The following AOAH variants were observed in gnomAD, a reference collection of about 807,000 sequenced individuals.
AOAH encodes acyloxyacyl hydrolase (neutrophil).
In AOAH, 64 loss-of-function variants were observed where a neutral mutation model predicts 92.2. That is an observed-to-expected ratio of 0.69 (90% CI 0.57 to 0.86). The LOEUF (loss-of-function observed/expected upper bound fraction) is 0.86. Among genes scored for constraint, AOAH ranks in the 40% least tolerant of loss-of-function variants. The pLI is 0.00. For synonymous variants in AOAH, 263 were observed against 254.5 expected (o/e 1.03, Z -0.32); for missense variants, 656 against 694.6 (o/e 0.94, Z 0.62).
At chr7:36,559,993 C>T (rs1787138938) in intron 13 of AOAH, among the ~76,000 whole-genome samples, 1 of 152,180 alleles carries the variant, frequency 6.6e-6, no homozygotes, top group Admixed American at 6.5e-5. Context: ...ACAGGGAGTC[C>T]TTTCCCTATT....
At chr7:36,646,947 G>C (rs1794262532) in intron 4 of AOAH, among the ~76,000 whole-genome samples, 1 of 152,150 alleles carries the variant, frequency 6.6e-6, no homozygotes, top group African/African-American at 2.4e-5. Flanking sequence ...CAGTTACGAG[G>C]GACTTGGATA....
chr7:36,686,155 C>A (rs10237054), intron 2 of AOAH, among the ~76,000 whole-genome samples: 50,290 of 151,948 alleles, frequency 0.33, 9,608 homozygotes, highest in East Asian at 0.56. Context: ...TTGCTTGAAC[C>A]ACCAATCAGT....
intron 13 of AOAH, among the ~76,000 whole-genome samples, chr7:36,569,470 AATCT>A (rs10581908): frequency 0.41 from 59,953 of 147,868 alleles, 12,443 homozygotes; most frequent in Middle Eastern, 0.58. Flanking sequence ...TACTTAAAAA[AATCT>A]ATCTATCTAT....
At chr7:36,590,226 T>A (rs1488620738) in intron 12 of AOAH, among the ~76,000 whole-genome samples, 1 of 152,160 alleles carries the variant, frequency 6.6e-6, no homozygotes, top group East Asian at 1.9e-4. Context: ...CCAGTAGCTA[T>A]TTTTAATCTT....
At chr7:36,640,399 G>A (rs1793821748) in intron 4 of AOAH, among the ~76,000 whole-genome samples, 1 of 152,214 alleles carries the variant, frequency 6.6e-6, no homozygotes, top group Non-Finnish European at 1.5e-5. Context: ...CAAAGAGGGA[G>A]CAGTCAGGCC....
At chr7:36,520,197 A>G (rs1172321683) in intron 20 of AOAH, among the ~76,000 whole-genome samples, 1 of 152,238 alleles carries the variant, frequency 6.6e-6, no homozygotes, top group Non-Finnish European at 1.5e-5. Context: ...TTTGAACCCC[A>G]AGATCATTTT....
At chr7:36,700,256 G>A (rs564141272) in intron 1 of AOAH, among the ~76,000 whole-genome samples, 1 of 151,968 alleles carries the variant, frequency 6.6e-6, no homozygotes, top group African/African-American at 2.4e-5. Context: ...GTAAAGTCTG[G>A]GCTTTTCGTG....
intron 13 of AOAH, among the ~76,000 whole-genome samples, chr7:36,568,654 C>G (rs929159057): frequency 2.0e-5 from 3 of 152,190 alleles, no homozygotes. Flanking sequence ...TTTCCCTTCA[C>G]TCTGATTCTG....
chr7:36,650,597 C>T (rs757605817), intron 4 of AOAH, among the ~76,000 whole-genome samples: 1 of 152,180 alleles, frequency 6.6e-6, no homozygotes, highest in Non-Finnish European at 1.5e-5. Context: ...CCAGGAATAC[C>T]AGAGCAGGCG....
intron 1 of AOAH, among the ~76,000 whole-genome samples, chr7:36,699,630 ATTATTTGTTTT>A (rs897808151): frequency 1.4e-5 from 2 of 139,836 alleles, no homozygotes; most frequent in Admixed American, 7.1e-5. Context: ...TTTAAATTGG[ATTATTTGTTTT>A]TTTTTTTTTT....
At chr7:36,616,254 C>T in intron 11 of AOAH, 126 bp downstream of exon 11, 1 of 750,652 alleles carries the variant, frequency 1.3e-6, no homozygotes, top group Non-Finnish European at 2.3e-6. Flanking sequence ...ATATGCCTTT[C>T]ATGGCAGATT....
chr7:36,687,734 G>A (rs988594294), intron 1 of AOAH, among the ~76,000 whole-genome samples: 1 of 152,150 alleles, frequency 6.6e-6, no homozygotes, highest in Non-Finnish European at 1.5e-5. Context: ...GCCTGGGCCA[G>A]CAGTAGGCTC....
chr7:36,537,506 G>GTTTTTTTTTTTTTTTT (rs67918250), intron 16 of AOAH, among the ~76,000 whole-genome samples: 28 of 134,812 alleles, frequency 2.1e-4, no homozygotes, highest in Middle Eastern at 4.0e-3. Context: ...CACCCCTCTT[G>GTTTTTTTTTTTTTTTT]TTTTTTTTTT....
At position 36,558,002 on chromosome 7, in the gene AOAH, G is replaced by A. The variant is rs1254709617; in HGVS notation, c.1022-8527C>T. ...TCTCAACTCGTCAAAGTCATTCTCC[G>A]TCCAGCTTTGTTCCATTGCTGGTGA... is the stretch of plus-strand genomic sequence containing the variant. On this transcript the variant is annotated intron_variant, in intron 13 of 20. Coordinates refer to ENST00000617537, the MANE Select transcript of AOAH (RefSeq NM_001637.4). Among the ~76,000 whole-genome samples the A allele has an allele frequency of 2.4e-4, 37 of 152,268 alleles. No individual in the cohort carries two copies. The East Asian group carries it at 2.7e-3, about 11-fold the overall frequency.
chr7:36,642,047 A>G (rs1584012932), intron 4 of AOAH, among the ~76,000 whole-genome samples: 1 of 152,150 alleles, frequency 6.6e-6, no homozygotes, highest in Admixed American at 6.5e-5. Context: ...TTATGGGTTG[A>G]ATTTTGAATT....
At chr7:36,718,265 C>G (rs901841277) in intron 1 of AOAH, among the ~76,000 whole-genome samples, 2 of 152,098 alleles carry the variant, frequency 1.3e-5, no homozygotes, top group African/African-American at 4.8e-5. Context: ...AGATCTCACT[C>G]CACAGCTACT....
chr7:36,640,661 G>A (rs1431685582), intron 4 of AOAH, among the ~76,000 whole-genome samples: 1 of 152,216 alleles, frequency 6.6e-6, no homozygotes, highest in African/African-American at 2.4e-5. Flanking sequence ...GTTTAGGGAT[G>A]GCAATCTGGT....
Position 36,522,187 on chromosome 7 carries a change from G to A in AOAH, c.1523-72C>T, listed in dbSNP as rs573935522. ...ACGGCCAATATCCAAGGACAAGGAC[G>A]TGAGAACTGCCCATGCCCTCCCGGG... is the stretch of plus-strand genomic sequence containing the variant. On this transcript the variant is annotated intron_variant, in intron 19 of 20. Transcript: ENST00000617537. 5.0e-4 allele frequency: 716 copies of A among 1,445,736 alleles called. 2 individuals are homozygous for A. In the African/African-American group the frequency reaches 8.7e-3, roughly 18 times the overall value. 89.6% of individuals were successfully genotyped at this position (1,445,736 alleles called of 1,614,324 possible).
chr7:36,604,993 T>C (rs1309612628), intron 11 of AOAH, among the ~76,000 whole-genome samples: 2 of 152,216 alleles, frequency 1.3e-5, no homozygotes, highest in Non-Finnish European at 2.9e-5. Context: ...TCTGGAATCT[T>C]TGGACTTTGT....
Sources: gnomAD v4.1 joint callset for allele counts (sites outside exome capture counted in the v4.1 genomes callset) on GRCh38, gnomAD v4.1.1 for gene constraint, MANE v1.5 for transcripts, NCBI Gene and HGNC (gene_info 2026-07-23, HGNC 2026-07-21) for gene names.